The following RIPOR1 variants were observed in gnomAD, a reference collection of about 807,000 sequenced individuals.
The protein encoded by RIPOR1 is rho family-interacting cell polarization regulator 1.
In RIPOR1, 58 loss-of-function variants were observed where a neutral mutation model predicts 116.5. The ratio of observed to expected loss-of-function variants is 0.50; its 90% CI spans 0.40 to 0.62. RIPOR1 has a LOEUF of 0.62. Ranked by LOEUF, RIPOR1 falls within the 20% of genes least tolerant of loss-of-function variation. RIPOR1 has a pLI of 0.00. For missense variants in RIPOR1, 1,372 were observed against 1,586.2 expected (o/e 0.86, Z 2.29); for synonymous variants, 605 against 650.0 (o/e 0.93, Z 1.05).
exon 1 of RIPOR1, chr16:67,518,520 CAAG>C: frequency 6.6e-6 from 1 of 152,378 alleles, no homozygotes; most frequent in Non-Finnish European, 1.5e-5. Context: ...AGGAGCCCAC[CAAG>C]TCCCTTCTGG....
At chr16:67,536,670 G>T (rs1393808689) in intron 1 of RIPOR1, among the ~76,000 whole-genome samples, 1 of 152,012 alleles carries the variant, frequency 6.6e-6, no homozygotes, top group African/African-American at 2.4e-5. Flanking sequence ...TGGGGCTGTG[G>T]GACTCTGCAT....
At chr16:67,536,492 C>T (rs537156712) in intron 1 of RIPOR1, among the ~76,000 whole-genome samples, 1 of 152,162 alleles carries the variant, frequency 6.6e-6, no homozygotes, top group Admixed American at 6.5e-5. Context: ...ACCTGAGAGG[C>T]CCATGTGAGC....
At position 67,535,299 on chromosome 16, in the gene RIPOR1, T is replaced by C. The variant is rs545142661; in HGVS notation, c.-23-3125T>C. 7.0e-4 allele frequency among the ~76,000 whole-genome samples: 107 copies of C among 152,294 alleles called. 2 individuals carry two copies. The highest frequency in any genetic ancestry group is 7.2e-4 in the Admixed American group (11 of 15,290). The stretch of plus-strand genomic sequence containing the variant: ...CCAAGGTTGAGGATTGCTCTGTGAT[T>C]CCAGCCAGGCTGCTGTGCCAAGACC... On this transcript the variant is annotated intron_variant, in intron 1 of 21. Coordinates refer to ENST00000042381, the MANE Select transcript of RIPOR1 (RefSeq NM_024519.4).
intron 1 of RIPOR1, among the ~76,000 whole-genome samples, chr16:67,523,712 GC>G (rs2050516851): frequency 6.7e-6 from 1 of 149,164 alleles, no homozygotes; most frequent in Admixed American, 6.7e-5. Context: ...ACAGGGTCTC[GC>G]TCTGTTGCCC....
At chr16:67,535,383 C>T (rs994419496) in intron 1 of RIPOR1, among the ~76,000 whole-genome samples, 4 of 152,166 alleles carry the variant, frequency 2.6e-5, no homozygotes, top group African/African-American at 9.7e-5. Flanking sequence ...TTGGATTCCC[C>T]AGGGCTGGTT....
rs1301593746 is a variant in RIPOR1 at position 67,545,624 on chromosome 16, G to A, written c.3191-40G>A. The A allele has an allele frequency of 1.9e-6, 3 of 1,574,294 alleles. No homozygotes were observed. Among genetic ancestry groups the A allele is most frequent in the African/African-American group, 1.4e-5 (1 of 73,950 alleles). ...CCCAACCTCGGGGGCTCCTCACCCTGCCACCTTGCCCACCCACCCACCATA... is the reference window on the plus strand; with the variant it reads ...CCCAACCTCGGGGGCTCCTCACCCTACCACCTTGCCCACCCACCCACCATA... On this transcript the variant is annotated intron_variant, in intron 18 of 21. Transcript: ENST00000042381. The surrounding 1 kb of genome is among the most constrained non-coding windows in gnomAD (Gnocchi z 4.8).
At position 67,543,813 on chromosome 16, in the gene RIPOR1, C is replaced by T. The variant is rs776657416; in HGVS notation, c.2600+344C>T. 4 of 412,650 alleles carry T rather than the reference C, an allele frequency of 9.7e-6. No homozygotes were observed. The highest frequency in any genetic ancestry group is 3.7e-5 in the Admixed American group (1 of 27,376). The allele number at this position is 412,650 out of a possible 1,614,324, so 25.6% of individuals were successfully genotyped here. On this transcript the variant is annotated intron_variant, in intron 14 of 21. Transcript: ENST00000042381. This position sits in a 1 kb window ranked among gnomAD's most constrained non-coding sequence, Gnocchi z 4.7. The stretch of plus-strand genomic sequence containing the variant: ...CACCTTGGACCTGCCCTTTAAGGAG[C>T]TCTCTCAGTGTCTCGCCGTGCACCC...
chr16:67,537,049 G>A lies in RIPOR1; in HGVS notation c.-23-1375G>A, dbSNP rs950638540. Among the ~76,000 whole-genome samples, 10 of 152,106 alleles carry A rather than the reference G, an allele frequency of 6.6e-5. No homozygotes were observed. Among genetic ancestry groups the A allele is most frequent in the African/African-American group, 2.4e-4 (10 of 41,410 alleles). On this transcript the variant is annotated intron_variant, in intron 1 of 21. Coordinates refer to ENST00000042381, the MANE Select transcript of RIPOR1 (RefSeq NM_024519.4). The surrounding 1 kb of genome is among the most constrained non-coding windows in gnomAD (Gnocchi z 4.6). The stretch of plus-strand genomic sequence containing the variant: ...CCTGTCTCAGCCTCCTGAGTAGCTG[G>A]GATTACAGGCGCGCGTCACCATGTC...
In RIPOR1 at chr16:67,545,464, G is replaced by C; in HGVS notation, c.3120G>C (p.Gln1040His). The C allele has an allele frequency of 6.2e-7, 1 of 1,614,056 alleles. No individual in the cohort carries two copies. The highest frequency in any genetic ancestry group is 8.5e-7 in the Non-Finnish European group (1 of 1,180,028). The change falls in exon 18 of 22, where the codon CAG (glutamine) becomes CAC (histidine). Residue 1040 changes from glutamine (Q) to histidine (H), a missense_variant. Coordinates refer to ENST00000042381, the MANE Select transcript of RIPOR1 (RefSeq NM_024519.4). This position sits in a 1 kb window ranked among gnomAD's most constrained non-coding sequence, Gnocchi z 4.8. ...CTGGAGAGCAGCTCACAGTCTTCCA[G>C]TTCTGGAGTTTTGTGGAAACCTTGG... ...PGPGEQLTVF[Q>H]FWSFVETLDS...
Position 67,540,738 on chromosome 16 carries a change from G to A in RIPOR1, c.801+34G>A. 6.4e-7 allele frequency: 1 copy of A among 1,553,298 alleles called. No homozygotes were observed. The highest frequency in any genetic ancestry group is 8.7e-7 in the Non-Finnish European group (1 of 1,149,878). On this transcript the variant is annotated intron_variant, in intron 10 of 21. Transcript: ENST00000042381. The surrounding 1 kb of genome is among the most constrained non-coding windows in gnomAD (Gnocchi z 4.7). Reference sequence around the variant, plus strand: ...TCTGCCCAGGACGGCAGGCCACCATGGCCCTGTGAACCCCTTGTGACCCCC... The same window carrying A: ...TCTGCCCAGGACGGCAGGCCACCATAGCCCTGTGAACCCCTTGTGACCCCC...
In RIPOR1 at chr16:67,544,956, T is replaced by C; in HGVS notation, c.2870T>C (p.Val957Ala). ...GACGGTTTCCCTCACCCCCTCACAG[T>C]GGTGCAGTTCTCGGCCTCTCGGCCT... is the stretch of plus-strand genomic sequence containing the variant. ...WEIPASSAQE[V>A]VQFSASRPGF... The change falls in exon 17 of 22, where the codon GTG (valine) becomes GCG (alanine). Residue 957 changes from valine to alanine, a missense_variant and splice_region_variant. Coordinates refer to ENST00000042381, the MANE Select transcript of RIPOR1 (RefSeq NM_024519.4). The surrounding 1 kb of genome is among the most constrained non-coding windows in gnomAD (Gnocchi z 5.1). The C allele has an allele frequency of 6.2e-7, 1 of 1,612,096 alleles. No individual in the cohort carries two copies. The highest frequency in any genetic ancestry group is 8.5e-7 in the Non-Finnish European group (1 of 1,179,932).
At chr16:67,520,236 C>T (rs1348228237) in intron 1 of RIPOR1, among the ~76,000 whole-genome samples, 1 of 151,262 alleles carries the variant, frequency 6.6e-6, no homozygotes, top group Non-Finnish European at 1.5e-5. Context: ...AAAAATTTAG[C>T]CGGGCATGGT....
intron 1 of RIPOR1, among the ~76,000 whole-genome samples, chr16:67,532,071 T>TTG (rs1312009149): frequency 1.3e-5 from 2 of 151,906 alleles, no homozygotes; most frequent in African/African-American, 4.8e-5. Flanking sequence ...TTTTTTTTTT[T>TTG]TGTATATTTA....
In RIPOR1 at chr16:67,544,469, C is replaced by G; in HGVS notation, c.2733+38C>G. 1 of 1,581,846 alleles carries G rather than the reference C, an allele frequency of 6.3e-7. No homozygotes were observed. On this transcript the variant is annotated intron_variant, in intron 15 of 21. Transcript: ENST00000042381. This position sits in a 1 kb window ranked among gnomAD's most constrained non-coding sequence, Gnocchi z 5.1. ...GTGTTCCCCCACCCTTCCTTTGTAA[C>G]CCCTAACCCCAGGGAGTCCTGCCCT...
chr16:67,527,736 C>T (rs889257129), upstream of RIPOR1, among the ~76,000 whole-genome samples: 68 of 151,254 alleles, frequency 4.5e-4, no homozygotes, highest in Non-Finnish European at 9.4e-4. Flanking sequence ...ATTAGCCGGG[C>T]GTGGTGTGGG....
chr16:67,538,489 G>A lies in RIPOR1; in HGVS notation c.43G>A (p.Ala15Thr), dbSNP rs759957663. 8.1e-6 allele frequency: 13 copies of A among 1,611,494 alleles called. No homozygotes were observed. Among genetic ancestry groups the A allele is most frequent in the Non-Finnish European group, 8.5e-7 (1 of 1,179,302 alleles). Residue 15 changes from alanine (A) to threonine (T), a missense_variant, in exon 2 of 22, where the codon GCC becomes ACC. Physicochemically the swap from Ala to Thr is moderately conservative, Grantham distance 58. Coordinates refer to ENST00000042381, the MANE Select transcript of RIPOR1 (RefSeq NM_024519.4). ...SVRPQRRLLS[A>T]RVNRSQSFAG... ...GCGGCCGCAGCGCCGTCTGCTCAGC[G>A]CCCGGGTCAATAGGAGCCAGTCCTT...
intron 1 of RIPOR1, among the ~76,000 whole-genome samples, chr16:67,522,135 C>T (rs1171168811): frequency 5.4e-5 from 8 of 148,766 alleles, no homozygotes; most frequent in African/African-American, 1.7e-4. Flanking sequence ...TCAAGCGATT[C>T]TTCTGCCTCA....
intron 4 of RIPOR1, 98 bp downstream of exon 4, chr16:67,539,166 C>G: frequency 2.0e-6 from 2 of 1,020,558 alleles, no homozygotes; most frequent in Non-Finnish European, 2.9e-6. Flanking sequence ...CTGAAGTGAT[C>G]TGGTTCAGGT....
At chr16:67,534,006 G>A (rs1225909131) in intron 1 of RIPOR1, among the ~76,000 whole-genome samples, 1 of 140,738 alleles carries the variant, frequency 7.1e-6, no homozygotes, top group East Asian at 2.1e-4. Flanking sequence ...TTTTAGTAGA[G>A]ACGGGGTTTC....
Sources: allele counts gnomAD v4.1 joint callset (sites outside exome capture counted in the v4.1 genomes callset), GRCh38; gene constraint gnomAD v4.1.1; non-coding constraint Gnocchi (gnomAD v3.1); transcripts MANE v1.5; gene names NCBI Gene and HGNC (gene_info 2026-07-23, HGNC 2026-07-21).